OPCML: variants seen among roughly 807,000 people sequenced by gnomAD.
OPCML encodes the protein opioid binding protein/cell adhesion molecule like, also known as opioid-binding protein/cell adhesion molecule.
In OPCML, 13 loss-of-function variants were observed where a neutral mutation model predicts 37.8. The observed-to-expected ratio is 0.34, with a 90% confidence interval of 0.22 to 0.55. The LOEUF is 0.55. OPCML is among the 20% of genes least tolerant of loss of function. OPCML has a pLI of 0.91. For synonymous variants in OPCML, 176 were observed against 168.8 expected, an observed-to-expected ratio of 1.04 and a Z score of -0.33; for missense variants, 341 against 435.6, an observed-to-expected ratio of 0.78 and a Z score of 1.93.
At chr11:132,927,889 G>T (rs1165026447) in intron 2 of OPCML, among the ~76,000 whole-genome samples, 1 of 151,994 alleles carries the variant, frequency 6.6e-6, no homozygotes. Flanking sequence ...ATTTAAAATA[G>T]TTTTTCTAAC....
chr11:133,341,599 G>A (rs972915002), intron 1 of OPCML, among the ~76,000 whole-genome samples: 4 of 152,214 alleles, frequency 2.6e-5, no homozygotes, highest in Non-Finnish European at 4.4e-5. Flanking sequence ...GCAGGAGGAA[G>A]AGAAATCAGT....
intron 1 of OPCML, among the ~76,000 whole-genome samples, chr11:133,284,600 C>T (rs996580257): frequency 1.3e-5 from 2 of 152,110 alleles, no homozygotes; most frequent in Non-Finnish European, 2.9e-5. Context: ...GGGAATTTGG[C>T]CTCATTCATT....
chr11:132,926,494 A>G (rs1418379525), intron 2 of OPCML, among the ~76,000 whole-genome samples: 1 of 152,210 alleles, frequency 6.6e-6, no homozygotes, highest in Non-Finnish European at 1.5e-5. Context: ...CAGGAATGGA[A>G]AAAAAGGATG....
chr11:133,353,080 A>G (rs879826243), intron 1 of OPCML, among the ~76,000 whole-genome samples: 10 of 152,216 alleles, frequency 6.6e-5, no homozygotes, highest in Non-Finnish European at 1.5e-4. Flanking sequence ...CAAAGGTTAA[A>G]GGTTTCATTC....
At chr11:132,894,787 C>T (rs563853119) in intron 2 of OPCML, among the ~76,000 whole-genome samples, 1 of 152,118 alleles carries the variant, frequency 6.6e-6, no homozygotes, top group Non-Finnish European at 1.5e-5. Flanking sequence ...GGCTCGCTGG[C>T]CTTTGGACTC....
At chr11:133,489,853 T>TA (rs1491583708) in intron 1 of OPCML, among the ~76,000 whole-genome samples, 2,879 of 91,992 alleles carry the variant, frequency 0.031, 104 homozygotes, top group African/African-American at 0.14. Flanking sequence ...TATATATATA[T>TA]TTTTTTATAC....
rs117751553 is a variant in OPCML at position 132,622,049 on chromosome 11, G to C, written c.379+35038C>G. 4.0e-4 allele frequency among the ~76,000 whole-genome samples: 61 copies of C among 152,092 alleles called. 1 individual carries two copies. Among genetic ancestry groups the C allele is most frequent in the Admixed American group, 1.3e-3 (20 of 15,268 alleles). ...AATTAAAATAATTGATTATAAAAGA[G>C]AGAACAAACATTTAGGCCAAAATAA... On this transcript the variant is annotated intron_variant, in intron 3 of 7. Transcript: ENST00000524381.
At chr11:132,596,311 C>G (rs570574454) in intron 3 of OPCML, among the ~76,000 whole-genome samples, 3 of 152,300 alleles carry the variant, frequency 2.0e-5, no homozygotes, top group South Asian at 2.1e-4. Flanking sequence ...AGACATATGT[C>G]TGCCCTATCT....
At chr11:133,055,662 C>T (rs1319309855) in intron 1 of OPCML, among the ~76,000 whole-genome samples, 1 of 149,738 alleles carries the variant, frequency 6.7e-6, no homozygotes, top group East Asian at 2.0e-4. Context: ...GCCGCCTCTA[C>T]CATACAATGC....
chr11:132,457,222 C>A (rs530222962), intron 4 of OPCML, among the ~76,000 whole-genome samples: 1 of 152,294 alleles, frequency 6.6e-6, no homozygotes, highest in South Asian at 2.1e-4. Context: ...ACACAAGAGG[C>A]TCCATGAGGC....
At chr11:133,486,353 T>G (rs1039716293) in intron 1 of OPCML, among the ~76,000 whole-genome samples, 1 of 152,238 alleles carries the variant, frequency 6.6e-6, no homozygotes, top group Non-Finnish European at 1.5e-5. Flanking sequence ...AGGTCACCAA[T>G]TACTTTTGCA....
chr11:132,559,349 T>C (rs1033140898), intron 3 of OPCML, among the ~76,000 whole-genome samples: 2 of 151,442 alleles, frequency 1.3e-5, no homozygotes, highest in Admixed American at 1.3e-4. Flanking sequence ...AAAGGAGGGG[T>C]GGAAGATGAA....
At chr11:132,575,584 AT>A (rs2137593770) in intron 3 of OPCML, among the ~76,000 whole-genome samples, 1 of 151,998 alleles carries the variant, frequency 6.6e-6, no homozygotes, top group Non-Finnish European at 1.5e-5. Context: ...TTTACTCTGT[AT>A]TTTTAAACAT....
At chr11:133,442,971 G>T (rs1257815702) in intron 1 of OPCML, among the ~76,000 whole-genome samples, 1 of 152,064 alleles carries the variant, frequency 6.6e-6, no homozygotes, top group African/African-American at 2.4e-5. Context: ...AATAGCAATA[G>T]CTATTCTTTG....
At chr11:132,712,134 C>T (rs746502357) in intron 2 of OPCML, among the ~76,000 whole-genome samples, 3 of 152,186 alleles carry the variant, frequency 2.0e-5, no homozygotes, top group Non-Finnish European at 2.9e-5. Flanking sequence ...GTTGGTAGTA[C>T]AGCTATATCT....
chr11:132,558,481 ACTC>A (rs2096403241), intron 3 of OPCML, among the ~76,000 whole-genome samples: 1 of 4,884 alleles, frequency 2.0e-4, no homozygotes, highest in Non-Finnish European at 3.2e-4. Context: ...GTCCTCCTCC[ACTC>A]CTCCTCCTCC....
At chr11:133,331,194 C>A (rs1038957354) in intron 1 of OPCML, among the ~76,000 whole-genome samples, 5 of 152,192 alleles carry the variant, frequency 3.3e-5, no homozygotes, top group Admixed American at 2.6e-4. Context: ...GGAGTGGCCC[C>A]GTAGAGTCAG....
intron 2 of OPCML, among the ~76,000 whole-genome samples, chr11:132,833,802 T>C (rs2136284714): frequency 6.6e-6 from 1 of 152,332 alleles, no homozygotes; most frequent in African/African-American, 2.4e-5. Flanking sequence ...CACCCCATCA[T>C]TGACTGAAAC....
At chr11:132,542,076 G>T (rs1314557359) in intron 3 of OPCML, among the ~76,000 whole-genome samples, 1 of 152,182 alleles carries the variant, frequency 6.6e-6, no homozygotes, top group East Asian at 1.9e-4. Context: ...GGTTACAGAT[G>T]ATCAGTGCGG....
Sources: allele counts gnomAD v4.1 joint callset (sites outside exome capture counted in the v4.1 genomes callset), GRCh38; gene constraint gnomAD v4.1.1; transcripts MANE v1.5; gene names NCBI Gene and HGNC (gene_info 2026-07-23, HGNC 2026-07-21).